GABRB1: variants seen among roughly 807,000 people sequenced by gnomAD.
GABRB1 encodes gamma-aminobutyric acid receptor subunit beta-1.
A neutral mutation model predicts 51.6 loss-of-function variants in GABRB1; 17 were observed. That is an observed-to-expected ratio of 0.33 (90% confidence interval 0.23 to 0.49). The LOEUF is 0.49. Ranked by LOEUF, GABRB1 falls within the 20% of genes least tolerant of loss-of-function variation. The pLI is 0.99. For missense variants in GABRB1, 410 were observed against 600.6 expected (o/e 0.68, Z 3.32); for synonymous variants, 247 against 218.9 (o/e 1.13, Z -1.14).
intron 4 of GABRB1, among the ~76,000 whole-genome samples, chr4:47,215,587 A>G (rs1341716836): frequency 6.6e-6 from 1 of 152,068 alleles, no homozygotes; most frequent in African/African-American, 2.4e-5. Flanking sequence ...ATGTACTTCA[A>G]TGTACTATAA....
At chr4:47,392,324 T>G (rs1208715019) in intron 5 of GABRB1, among the ~76,000 whole-genome samples, 1 of 151,080 alleles carries the variant, frequency 6.6e-6, no homozygotes, top group Non-Finnish European at 1.5e-5. Flanking sequence ...AGGAAGCTTC[T>G]TTCTCCCTTC....
At chr4:47,391,316 C>A (rs1400006585) in intron 5 of GABRB1, among the ~76,000 whole-genome samples, 1 of 152,160 alleles carries the variant, frequency 6.6e-6, no homozygotes, top group Non-Finnish European at 1.5e-5. Flanking sequence ...AAGACCCAGA[C>A]CACTGACTGG....
At chr4:47,269,910 C>T (rs572474486) in intron 4 of GABRB1, among the ~76,000 whole-genome samples, 2 of 144,922 alleles carry the variant, frequency 1.4e-5, no homozygotes, top group Admixed American at 7.1e-5. Flanking sequence ...ACCTGATGCT[C>T]TAAGGTGTCC....
intron 3 of GABRB1, among the ~76,000 whole-genome samples, chr4:47,080,412 A>G (rs1018683677): frequency 2.0e-4 from 30 of 152,224 alleles, no homozygotes; most frequent in African/African-American, 7.0e-4. Flanking sequence ...TAATAATACT[A>G]TTGTCAGTTT....
rs201428750 is a variant in GABRB1, at chr4:47,424,109, C to T, written c.1081-1565C>T. On this transcript the variant is annotated intron_variant, in intron 8 of 8. Transcript: ENST00000295454. ...AGAGATGACAGAAACCAGAGTCAGT[C>T]GCCATTTCTCTCTCCAACCAACTCA... is the stretch of plus-strand genomic sequence containing the variant. 1.4e-3 allele frequency among the ~76,000 whole-genome samples: 216 copies of T among 152,224 alleles called. No individual in the cohort carries two copies. In the Middle Eastern group the frequency reaches 0.045, roughly 31 times the overall value.
At chr4:47,043,417 A>G (rs891563369) in intron 3 of GABRB1, 2 of 152,088 alleles carry the variant, frequency 1.3e-5, no homozygotes, top group Admixed American at 6.6e-5. Context: ...AAGGAATTTC[A>G]TAACGTGGTT....
intron 3 of GABRB1, among the ~76,000 whole-genome samples, chr4:47,042,613 T>G (rs1277186351): frequency 6.6e-6 from 1 of 151,204 alleles, no homozygotes; most frequent in Non-Finnish European, 1.5e-5. Flanking sequence ...ATAATTTGAT[T>G]GAGTATTACA....
At chr4:47,192,675 A>T (rs1719486459) in intron 4 of GABRB1, among the ~76,000 whole-genome samples, 1 of 152,210 alleles carries the variant, frequency 6.6e-6, no homozygotes, top group Admixed American at 6.5e-5. Context: ...TATGCATTGC[A>T]GTCCCACAAA....
chr4:47,214,109 C>T lies in GABRB1; in HGVS notation c.461+52640C>T, dbSNP rs16860063. On this transcript the variant is annotated intron_variant, in intron 4 of 8. Coordinates refer to ENST00000295454, the MANE Select transcript of GABRB1 (RefSeq NM_000812.4). ...GTTACTGACAGATGAGAGTAGAATG[C>T]ATTAGTCATAAAGAATAATAGATGG... is the stretch of plus-strand genomic sequence containing the variant. Among the ~76,000 whole-genome samples, 510 of 152,202 alleles carry T rather than the reference C, an allele frequency of 3.4e-3. 5 individuals carry two copies. Among genetic ancestry groups the T allele is most frequent in the African/African-American group, 0.011 (471 of 41,546 alleles).
intron 5 of GABRB1, among the ~76,000 whole-genome samples, chr4:47,334,945 T>A (rs1725639149): frequency 6.6e-6 from 1 of 152,178 alleles, no homozygotes; most frequent in Non-Finnish European, 1.5e-5. Flanking sequence ...TGAAAACCTA[T>A]CTTTTTGTAA....
chr4:47,390,310 C>T (rs984575660), intron 5 of GABRB1, among the ~76,000 whole-genome samples: 14 of 152,218 alleles, frequency 9.2e-5, no homozygotes, highest in Non-Finnish European at 1.3e-4. Flanking sequence ...TGCTCCACAA[C>T]AGGACATAAA....
chr4:47,238,258 C>T (rs889065444), intron 4 of GABRB1, among the ~76,000 whole-genome samples: 4 of 151,902 alleles, frequency 2.6e-5, no homozygotes, highest in African/African-American at 9.7e-5. Flanking sequence ...ATTCAAAATA[C>T]AGAGAAAACT....
chr4:47,227,494 A>AG (rs1201111744), intron 4 of GABRB1, among the ~76,000 whole-genome samples: 1 of 152,168 alleles, frequency 6.6e-6, no homozygotes, highest in African/African-American at 2.4e-5. Context: ...AGAGTGAAGG[A>AG]GGAAGAATTA....
intron 4 of GABRB1, among the ~76,000 whole-genome samples, chr4:47,272,263 T>C (rs1437393167): frequency 6.6e-6 from 1 of 152,202 alleles, no homozygotes; most frequent in Non-Finnish European, 1.5e-5. Flanking sequence ...TGTCTTTGTA[T>C]GTGCAGATCA....
chr4:47,248,383 T>C (rs548454950), intron 4 of GABRB1, among the ~76,000 whole-genome samples: 5 of 152,266 alleles, frequency 3.3e-5, no homozygotes, highest in Admixed American at 1.3e-4. Flanking sequence ...TTGATCATGG[T>C]GGATTATCTT....
At chr4:47,422,832 T>C (rs1262745971) in intron 8 of GABRB1, among the ~76,000 whole-genome samples, 2 of 152,196 alleles carry the variant, frequency 1.3e-5, no homozygotes, top group African/African-American at 2.4e-5. Flanking sequence ...ACACCCCATT[T>C]CGCCGATGAC....
chr4:47,068,431 T>G (rs1727177533), intron 3 of GABRB1, among the ~76,000 whole-genome samples: 1 of 152,246 alleles, frequency 6.6e-6, no homozygotes, highest in Non-Finnish European at 1.5e-5. Flanking sequence ...CAACATGCCT[T>G]CCTGGCTAAG....
At chr4:47,204,943 A>G (rs1397739904) in intron 4 of GABRB1, among the ~76,000 whole-genome samples, 1 of 152,152 alleles carries the variant, frequency 6.6e-6, no homozygotes, top group African/African-American at 2.4e-5. Flanking sequence ...CTCTTGGCCT[A>G]TCTTGGGCTT....
chr4:47,416,512 G>A (rs1171291902), intron 8 of GABRB1, among the ~76,000 whole-genome samples: 7 of 150,936 alleles, frequency 4.6e-5, no homozygotes, highest in Admixed American at 1.3e-4. Flanking sequence ...GTGCAGTGGC[G>A]CAATCGTGGC....
Sources: allele counts gnomAD v4.1 joint callset (sites outside exome capture counted in the v4.1 genomes callset), GRCh38; gene constraint gnomAD v4.1.1; transcripts MANE v1.5; gene names NCBI Gene and HGNC (gene_info 2026-07-23, HGNC 2026-07-21).